Variants in CAMKMT observed in about 807,000 individuals in gnomAD.
CAMKMT encodes calmodulin-lysine N-methyltransferase, also known as CaM KMT.
A neutral mutation model predicts 48.0 loss-of-function variants in CAMKMT; 53 were observed. That is an observed-to-expected ratio of 1.10 (90% CI 0.89 to 1.39). The LOEUF (loss-of-function observed/expected upper bound fraction) is 1.39, where lower values mean the gene tolerates loss of function less well. Among genes scored for constraint, CAMKMT ranks in the 40% most tolerant of loss-of-function variants. The pLI is 0.00. For missense variants in CAMKMT, 428 were observed against 402.7 expected, an observed-to-expected ratio of 1.06 and a Z score of -0.54; for synonymous variants, 165 against 152.3, an observed-to-expected ratio of 1.08 and a Z score of -0.61.
chr2:44,632,859 A>C (rs997848132), intron 3 of CAMKMT, among the ~76,000 whole-genome samples: 2 of 152,216 alleles, frequency 1.3e-5, no homozygotes, highest in African/African-American at 2.4e-5. Context: ...CTGCCCTCGA[A>C]CATCAGACTC....
At chr2:44,419,222 A>G (rs1683766506) in intron 3 of CAMKMT, among the ~76,000 whole-genome samples, 1 of 152,214 alleles carries the variant, frequency 6.6e-6, no homozygotes, top group African/African-American at 2.4e-5. Context: ...TACCACTTAG[A>G]TGCACTTAGA....
intron 9 of CAMKMT, among the ~76,000 whole-genome samples, chr2:44,756,610 C>T (rs765877104): frequency 5.3e-5 from 8 of 151,914 alleles, no homozygotes; most frequent in Non-Finnish European, 8.8e-5. Context: ...GGCGTGGTGG[C>T]GGGCGCCTGT....
chr2:44,734,245 ATG>A (rs1372987213), intron 7 of CAMKMT, among the ~76,000 whole-genome samples: 2 of 151,716 alleles, frequency 1.3e-5, no homozygotes, highest in African/African-American at 4.9e-5. Context: ...ATAAATTTTG[ATG>A]TGTTGTATTT....
chr2:44,628,737 A>G (rs937792074), intron 3 of CAMKMT, among the ~76,000 whole-genome samples: 4 of 152,076 alleles, frequency 2.6e-5, no homozygotes, highest in East Asian at 3.8e-4. Flanking sequence ...TTGGTTCAAC[A>G]TATTTTTAAT....
At chr2:44,706,262 C>T (rs764367319) in intron 4 of CAMKMT, 25 bp from the exon 5 acceptor site, 1 of 1,612,106 alleles carries the variant, frequency 6.2e-7, no homozygotes, top group South Asian at 1.1e-5. Context: ...TGTATGGGTT[C>T]TACCATTTCT....
At chr2:44,570,209 T>C (rs978856417) in intron 3 of CAMKMT, among the ~76,000 whole-genome samples, 8 of 152,222 alleles carry the variant, frequency 5.3e-5, no homozygotes, top group African/African-American at 1.9e-4. Context: ...TAATGCACTT[T>C]GTATCAGACC....
chr2:44,706,632 G>C (rs1471857845), intron 5 of CAMKMT, among the ~76,000 whole-genome samples: 2 of 142,856 alleles, frequency 1.4e-5, no homozygotes, highest in Non-Finnish European at 3.0e-5. Flanking sequence ...TTTTTTTTCA[G>C]ATTATAGTCC....
intron 3 of CAMKMT, among the ~76,000 whole-genome samples, chr2:44,438,968 A>G (rs1191274041): frequency 2.0e-5 from 3 of 152,108 alleles, no homozygotes; most frequent in African/African-American, 7.2e-5. Context: ...TGGTAACCGC[A>G]TAGTGTCCTG....
chr2:44,576,211 C>T (rs771145659), intron 3 of CAMKMT, among the ~76,000 whole-genome samples: 1 of 151,576 alleles, frequency 6.6e-6, no homozygotes, highest in Non-Finnish European at 1.5e-5. Context: ...GCCTGTAATC[C>T]CAGCTACTCA....
At chr2:44,654,383 A>G (rs1307481227) in intron 3 of CAMKMT, among the ~76,000 whole-genome samples, 1 of 152,202 alleles carries the variant, frequency 6.6e-6, no homozygotes, top group Non-Finnish European at 1.5e-5. Flanking sequence ...ATTAGAAAAT[A>G]TAGGTAATCA....
At chr2:44,396,936 G>A (rs1419150517) in intron 3 of CAMKMT, among the ~76,000 whole-genome samples, 1 of 151,708 alleles carries the variant, frequency 6.6e-6, no homozygotes, top group African/African-American at 2.4e-5. Flanking sequence ...GCGTGAGGCT[G>A]TAGTCTCAGC....
At chr2:44,377,111 A>G (rs989550154) in intron 2 of CAMKMT, among the ~76,000 whole-genome samples, 1 of 152,042 alleles carries the variant, frequency 6.6e-6, no homozygotes, top group African/African-American at 2.4e-5. Context: ...GGCTTAAGCA[A>G]TCCGCCCGCC....
chr2:44,558,078 G>A (rs1005461760), intron 3 of CAMKMT, among the ~76,000 whole-genome samples: 6 of 150,766 alleles, frequency 4.0e-5, no homozygotes, highest in African/African-American at 1.5e-4. Context: ...TTCATTCGAT[G>A]AGATCTTGCT....
chr2:44,585,891 T>C (rs1204102654), intron 3 of CAMKMT, among the ~76,000 whole-genome samples: 1 of 152,216 alleles, frequency 6.6e-6, no homozygotes, highest in Non-Finnish European at 1.5e-5. Flanking sequence ...AAGGGGAATA[T>C]GATTTGCAAG....
rs572672077 is a variant in CAMKMT at position 44,764,388 on chromosome 2, A to G, written c.763-2042A>G. Among the ~76,000 whole-genome samples the G allele has an allele frequency of 1.8e-4, 28 of 152,066 alleles. 1 individual carries two copies. The South Asian group carries it at 5.8e-3, about 32-fold the overall frequency. On this transcript the variant is annotated intron_variant, in intron 9 of 10. Coordinates refer to ENST00000378494, the MANE Select transcript of CAMKMT (RefSeq NM_024766.5). ...ATCTTTCTAATCTTACATCAGTATA[A>G]TCTTTCTAATTATTTTCACATTCTG...
At chr2:44,470,090 T>C (rs1197143635) in intron 3 of CAMKMT, among the ~76,000 whole-genome samples, 2 of 152,166 alleles carry the variant, frequency 1.3e-5, no homozygotes, top group African/African-American at 4.8e-5. Flanking sequence ...ATAAGAACTT[T>C]CCATGAGATT....
intron 3 of CAMKMT, among the ~76,000 whole-genome samples, chr2:44,589,299 G>A (rs1670112795): frequency 2.0e-5 from 1 of 50,404 alleles, no homozygotes; most frequent in African/African-American, 8.2e-5. Flanking sequence ...CGCCCCATCC[G>A]GGAGGTGAGG....
At chr2:44,511,796 G>A (rs1172103759) in intron 3 of CAMKMT, among the ~76,000 whole-genome samples, 3 of 152,056 alleles carry the variant, frequency 2.0e-5, no homozygotes, top group Admixed American at 6.6e-5. Context: ...TTTTGGTTGG[G>A]TCCCTCACTT....
intron 4 of CAMKMT, chr2:44,705,560 G>A: frequency 1.0e-6 from 1 of 982,382 alleles, no homozygotes; most frequent in Non-Finnish European, 1.2e-6. Flanking sequence ...TGCCACCCTA[G>A]ACTGTCAGCT....
Sources: allele counts gnomAD v4.1 joint callset (sites outside exome capture counted in the v4.1 genomes callset), GRCh38; gene constraint gnomAD v4.1.1; transcripts MANE v1.5; gene names NCBI Gene and HGNC (gene_info 2026-07-23, HGNC 2026-07-21).